Variants in ATE1 observed in about 807,000 individuals in gnomAD.
ATE1 encodes arginyl-tRNA--protein transferase 1.
A neutral mutation model predicts 70.5 loss-of-function variants in ATE1; 36 were observed. The ratio of observed to expected loss-of-function variants is 0.51; its 90% CI spans 0.39 to 0.67. The LOEUF is 0.67. Ranked by LOEUF, ATE1 falls within the 30% of genes least tolerant of loss-of-function variation. ATE1 has a pLI of 0.00. For synonymous variants in ATE1, 232 were observed against 219.3 expected, an observed-to-expected ratio of 1.06 and a Z score of -0.51; for missense variants, 593 against 629.5, an observed-to-expected ratio of 0.94 and a Z score of 0.62.
rs189255549 is a variant in ATE1, at chr10:121,859,601, G to A, written c.975+10405C>T. Among the ~76,000 whole-genome samples the A allele has an allele frequency of 9.6e-4, 146 of 152,248 alleles. 2 individuals are homozygous for A. The highest frequency in any genetic ancestry group is 2.5e-4 in the Non-Finnish European group (17 of 68,024). On this transcript the variant is annotated intron_variant, in intron 8 of 11. Coordinates refer to ENST00000224652, the MANE Select transcript of ATE1 (RefSeq NM_001001976.3). The stretch of plus-strand genomic sequence containing the variant: ...TATGATGGTTCAGGCCATATTAAGG[G>A]CAAAAGTAAGAGACATACATTTGTG...
At chr10:121,925,658 G>C (rs1336142374) in intron 1 of ATE1, among the ~76,000 whole-genome samples, 3 of 151,928 alleles carry the variant, frequency 2.0e-5, no homozygotes, top group Non-Finnish European at 2.9e-5. Context: ...AAGATCACTT[G>C]AGGTCAGGAG....
At chr10:121,913,564 C>T (rs991172702) in intron 4 of ATE1, among the ~76,000 whole-genome samples, 6 of 151,356 alleles carry the variant, frequency 4.0e-5, no homozygotes, top group Non-Finnish European at 7.4e-5. Context: ...ACAAATTTAA[C>T]ATGATCCTCA....
chr10:121,772,856 T>C (rs1564825394), intron 11 of ATE1, among the ~76,000 whole-genome samples: 3 of 152,234 alleles, frequency 2.0e-5, no homozygotes, highest in Non-Finnish European at 2.9e-5. Flanking sequence ...ATGTGCATAA[T>C]CAACTAAGAT....
At chr10:121,801,038 G>T (rs552423010) in intron 10 of ATE1, among the ~76,000 whole-genome samples, 2 of 152,164 alleles carry the variant, frequency 1.3e-5, no homozygotes, top group African/African-American at 4.8e-5. Flanking sequence ...TTCAAAAACT[G>T]TGTTTGGATT....
intron 7 of ATE1, among the ~76,000 whole-genome samples, chr10:121,871,774 G>GA (rs1949870120): frequency 6.6e-6 from 1 of 151,952 alleles, no homozygotes; most frequent in African/African-American, 2.4e-5. Flanking sequence ...CAAACAGTAA[G>GA]AATTTTTTCT....
At chr10:121,790,044 A>ACACT in intron 11 of ATE1, 125 bp downstream of exon 11, 3 of 1,360,558 alleles carry the variant, frequency 2.2e-6, no homozygotes, top group Non-Finnish European at 3.0e-6. Context: ...ACACACACAC[A>ACACT]CTCATGCACA....
rs1158587632 is a variant in ATE1, at chr10:121,741,075, T to C, written c.*2605A>G. On this transcript the variant is annotated 3_prime_UTR_variant, in exon 12 of 12. Transcript: ENST00000224652. The stretch of plus-strand genomic sequence containing the variant: ...ATCAGAAAGGGACACAACACTAAGA[T>C]TGCAAATGCAAAGCTTCCTGCCTTG... The C allele has an allele frequency of 6.6e-6, 1 of 152,214 alleles. No individual in the cohort carries two copies. Among genetic ancestry groups the C allele is most frequent in the Non-Finnish European group, 1.5e-5 (1 of 68,038 alleles). 9.4% of individuals were successfully genotyped at this position (152,214 alleles called of 1,614,324 possible).
intron 8 of ATE1, among the ~76,000 whole-genome samples, chr10:121,845,576 G>T (rs1433649130): frequency 6.6e-6 from 1 of 152,148 alleles, no homozygotes; most frequent in Non-Finnish European, 1.5e-5. Context: ...AAGAATGAAG[G>T]TAACAGGAAC....
At chr10:121,803,038 C>A (rs756316003) in intron 10 of ATE1, among the ~76,000 whole-genome samples, 3 of 152,150 alleles carry the variant, frequency 2.0e-5, no homozygotes, top group Non-Finnish European at 4.4e-5. Context: ...TAGATTTCCA[C>A]AGAGGCCTAT....
At chr10:121,900,930 C>T (rs937264790) in intron 6 of ATE1, among the ~76,000 whole-genome samples, 1 of 151,896 alleles carries the variant, frequency 6.6e-6, no homozygotes, top group African/African-American at 2.4e-5. Flanking sequence ...TTTGGAAGGA[C>T]AAAAAAATCT....
chr10:121,765,307 G>GA (rs1426196404), intron 11 of ATE1, among the ~76,000 whole-genome samples: 1 of 123,990 alleles, frequency 8.1e-6, no homozygotes, highest in Non-Finnish European at 1.8e-5. Flanking sequence ...GGAGGCAGAA[G>GA]AAAAAAAGCT....
intron 8 of ATE1, among the ~76,000 whole-genome samples, chr10:121,841,787 G>A (rs1948640037): frequency 1.3e-5 from 2 of 152,036 alleles, no homozygotes; most frequent in South Asian, 4.1e-4. Context: ...AGTGGGTAAG[G>A]GATAAAAGAC....
intron 8 of ATE1, among the ~76,000 whole-genome samples, chr10:121,858,831 C>T (rs1040749162): frequency 2.0e-5 from 3 of 151,872 alleles, no homozygotes; most frequent in African/African-American, 7.3e-5. Context: ...CGCGGTGGCT[C>T]ACGCCTGTAA....
intron 10 of ATE1, among the ~76,000 whole-genome samples, chr10:121,812,795 A>C (rs370857074): frequency 6.6e-6 from 1 of 152,192 alleles, no homozygotes; most frequent in Admixed American, 6.5e-5. Context: ...TAGAAAAATT[A>C]TGGCTCAAAT....
chr10:121,755,319 T>C lies in ATE1; in HGVS notation c.1379-11461A>G, dbSNP rs1198069368. Among the ~76,000 whole-genome samples, 5 of 152,192 alleles carry C rather than the reference T, an allele frequency of 3.3e-5. No homozygotes were observed. The East Asian group carries it at 9.6e-4, about 29-fold the overall frequency. ...GTCCTTGTTTTCAGCTAATACACAC[T>C]GGGATACTGAAGGACAGTGGTGCAA... On this transcript the variant is annotated intron_variant, in intron 11 of 11. Coordinates refer to ENST00000224652, the MANE Select transcript of ATE1 (RefSeq NM_001001976.3).
chr10:121,778,456 G>T (rs1042234807), intron 11 of ATE1, among the ~76,000 whole-genome samples: 1 of 152,010 alleles, frequency 6.6e-6, no homozygotes, highest in Admixed American at 6.5e-5. Context: ...TTCATTGGGG[G>T]TTGGCAGCAT....
intron 11 of ATE1, among the ~76,000 whole-genome samples, chr10:121,754,863 T>A (rs1432427835): frequency 6.6e-6 from 1 of 152,228 alleles, no homozygotes; most frequent in Non-Finnish European, 1.5e-5. Context: ...GAATTAACAC[T>A]GTATACCTCC....
At chr10:121,895,877 C>T (rs559650916) in intron 7 of ATE1, among the ~76,000 whole-genome samples, 47 of 151,550 alleles carry the variant, frequency 3.1e-4, no homozygotes, top group South Asian at 1.3e-3. Flanking sequence ...AATATGGCAC[C>T]ATGCACTCCT....
intron 9 of ATE1, among the ~76,000 whole-genome samples, chr10:121,838,860 A>T (rs1948526352): frequency 6.6e-6 from 1 of 152,232 alleles, no homozygotes; most frequent in Non-Finnish European, 1.5e-5. Flanking sequence ...TGAATTAAAA[A>T]AATAAAAAAA....
Sources: gnomAD v4.1 joint callset for allele counts (sites outside exome capture counted in the v4.1 genomes callset) on GRCh38, gnomAD v4.1.1 for gene constraint, MANE v1.5 for transcripts, NCBI Gene and HGNC (gene_info 2026-07-23, HGNC 2026-07-21) for gene names.